The following KDM2A variants were observed in gnomAD, a reference collection of about 807,000 sequenced individuals.
KDM2A encodes lysine demethylase 2A.
Under a neutral mutation model 137.3 loss-of-function variants are expected in KDM2A, and 3 were observed. The observed-to-expected ratio is 0.02, with a 90% CI of 0.01 to 0.06. KDM2A has a LOEUF of 0.06. Ranked by LOEUF, KDM2A falls within the 10% of genes least tolerant of loss-of-function variation. KDM2A has a pLI of 1.00. For missense variants in KDM2A, 738 were observed against 1,510.6 expected, an observed-to-expected ratio of 0.49 and a Z score of 8.48; for synonymous variants, 512 against 541.5, an observed-to-expected ratio of 0.95 and a Z score of 0.76.
chr11:67,164,771 G>C (rs890014564), intron 2 of KDM2A, among the ~76,000 whole-genome samples: 1 of 151,790 alleles, frequency 6.6e-6, no homozygotes, highest in African/African-American at 2.4e-5. Flanking sequence ...GTTATTTTTT[G>C]TATTTTTAGT....
At chr11:67,136,296 G>C (rs749097255) in intron 2 of KDM2A, among the ~76,000 whole-genome samples, 3 of 152,254 alleles carry the variant, frequency 2.0e-5, no homozygotes, top group Non-Finnish European at 4.4e-5. Context: ...CCAGTTAAGG[G>C]ACAGAGCCAG....
intron 6 of KDM2A, among the ~76,000 whole-genome samples, chr11:67,212,660 A>G (rs76717961): frequency 6.6e-6 from 1 of 152,132 alleles, no homozygotes; most frequent in Non-Finnish European, 1.5e-5. Context: ...AAGCACGAAC[A>G]TGTTACCACA....
intron 2 of KDM2A, among the ~76,000 whole-genome samples, chr11:67,122,865 C>G (rs1191847332): frequency 2.0e-5 from 3 of 151,502 alleles, no homozygotes; most frequent in Non-Finnish European, 2.9e-5. Flanking sequence ...TTAGTAGAGA[C>G]GGGGTTTCAC....
chr11:67,251,014 C>A (rs1859407499), intron 17 of KDM2A, among the ~76,000 whole-genome samples: 1 of 152,152 alleles, frequency 6.6e-6, no homozygotes, highest in South Asian at 2.1e-4. Flanking sequence ...CCTGGCCCTG[C>A]TCTATACTTT....
rs376615443 is a variant in KDM2A, at chr11:67,253,608, C to T, written c.3088C>T (p.Pro1030Ser). 2.8e-5 allele frequency: 45 copies of T among 1,613,730 alleles called. No individual in the cohort carries two copies. Among genetic ancestry groups the T allele is most frequent in the Non-Finnish European group, 3.7e-5 (44 of 1,179,784 alleles). Residue 1030 changes from proline to serine, a missense_variant, in exon 19 of 21, where the codon CCA becomes TCA. Transcript: ENST00000529006. ...CTTGCTTACTCCACCGGCTGATAAA[C>T]CAGGTATGCTCTGGACCTGACTTCT... The part of the protein sequence containing the change: ...RDLLTPPADK[P>S]GQDNRSKLRN...
intron 5 of KDM2A, among the ~76,000 whole-genome samples, chr11:67,203,919 G>A (rs1168762471): frequency 6.6e-6 from 1 of 151,468 alleles, no homozygotes; most frequent in Admixed American, 6.6e-5. Context: ...TCTTGCCTCA[G>A]CCTCCTAAGT....
chr11:67,148,498 C>G (rs1483639048), intron 2 of KDM2A, among the ~76,000 whole-genome samples: 2 of 151,856 alleles, frequency 1.3e-5, no homozygotes, highest in Non-Finnish European at 2.9e-5. Flanking sequence ...TCTTTTTTCC[C>G]CCATCAGAAA....
At chr11:67,214,750 G>A (rs1590793167) in intron 6 of KDM2A, among the ~76,000 whole-genome samples, 1 of 152,192 alleles carries the variant, frequency 6.6e-6, no homozygotes, top group Non-Finnish European at 1.5e-5. Context: ...GGGATTGCAG[G>A]TGTGAGCCAC....
intron 12 of KDM2A, among the ~76,000 whole-genome samples, chr11:67,238,495 T>A (rs945451530): frequency 1.3e-5 from 2 of 152,224 alleles, no homozygotes; most frequent in Admixed American, 1.3e-4. Flanking sequence ...GTCTTGAGTC[T>A]TAAGATACAG....
At chr11:67,248,184 T>C in intron 15 of KDM2A, 97 bp from the exon 16 acceptor site, 1 of 878,382 alleles carries the variant, frequency 1.1e-6, no homozygotes, top group Non-Finnish European at 1.8e-6. Context: ...TATGGACCAA[T>C]GTTGTTGAGA....
At chr11:67,165,694 A>G (rs754526749) in intron 2 of KDM2A, among the ~76,000 whole-genome samples, 3 of 152,114 alleles carry the variant, frequency 2.0e-5, no homozygotes, top group Non-Finnish European at 4.4e-5. Context: ...TATCTCCCTT[A>G]ATTCACTTAA....
At chr11:67,189,713 A>G (rs2136348087) in intron 5 of KDM2A, among the ~76,000 whole-genome samples, 1 of 151,484 alleles carries the variant, frequency 6.6e-6, no homozygotes, top group East Asian at 1.9e-4. Flanking sequence ...GATGGTGGAC[A>G]CCTGTAGTCC....
chr11:67,239,132 T>C (rs1481691669), intron 12 of KDM2A, among the ~76,000 whole-genome samples: 1 of 152,198 alleles, frequency 6.6e-6, no homozygotes, highest in African/African-American at 2.4e-5. Context: ...GCAAACAGAC[T>C]TGAATAGAAA....
intron 10 of KDM2A, among the ~76,000 whole-genome samples, chr11:67,226,172 G>A (rs190402390): frequency 1.3e-5 from 2 of 152,120 alleles, no homozygotes; most frequent in African/African-American, 2.4e-5. Flanking sequence ...CAGGAGAATT[G>A]CTTGAACCCA....
intron 8 of KDM2A, among the ~76,000 whole-genome samples, chr11:67,216,768 A>G (rs946049913): frequency 3.3e-5 from 5 of 152,122 alleles, no homozygotes; most frequent in African/African-American, 1.2e-4. Context: ...TAAAAATACA[A>G]AATTAGCTGG....
intron 2 of KDM2A, among the ~76,000 whole-genome samples, chr11:67,170,775 C>T (rs1462629194): frequency 6.6e-6 from 1 of 152,054 alleles, no homozygotes; most frequent in East Asian, 1.9e-4. Context: ...ACTACACCTT[C>T]TCTCTCTCTG....
intron 5 of KDM2A, among the ~76,000 whole-genome samples, chr11:67,183,984 C>T (rs917331154): frequency 6.0e-5 from 9 of 150,456 alleles, no homozygotes; most frequent in African/African-American, 2.0e-4. Context: ...TGGCATGCAC[C>T]AATAGTCCCA....
intron 2 of KDM2A, among the ~76,000 whole-genome samples, chr11:67,168,892 T>C (rs188426121): frequency 3.3e-5 from 5 of 152,120 alleles, no homozygotes; most frequent in Admixed American, 2.0e-4. Flanking sequence ...CAAGTACATA[T>C]TAAGGCTATG....
chr11:67,172,160 A>AT (rs1234657840), intron 2 of KDM2A, among the ~76,000 whole-genome samples: 33 of 148,482 alleles, frequency 2.2e-4, no homozygotes, highest in South Asian at 4.3e-4. Context: ...TGGCTAATAT[A>AT]TTTTTTTTTT....
Sources: allele counts gnomAD v4.1 joint callset (sites outside exome capture counted in the v4.1 genomes callset), GRCh38; gene constraint gnomAD v4.1.1; transcripts MANE v1.5; gene names NCBI Gene and HGNC (gene_info 2026-07-23, HGNC 2026-07-21).